Variants in SLC45A4 observed in about 807,000 individuals in gnomAD.
SLC45A4 encodes the protein polyamine-transporter SLC45A4.
Under a neutral mutation model 63.7 loss-of-function variants are expected in SLC45A4, and 32 were observed. That is an observed-to-expected ratio of 0.50 (90% confidence interval 0.38 to 0.67). The LOEUF is 0.67. Among genes scored for constraint, SLC45A4 ranks in the 30% least tolerant of loss-of-function variants. SLC45A4 has a pLI of 0.00. For missense variants in SLC45A4, 1,027 were observed against 1,157.7 expected, an observed-to-expected ratio of 0.89 and a Z score of 1.64; for synonymous variants, 535 against 510.0, an observed-to-expected ratio of 1.05 and a Z score of -0.66.
At chr8:141,282,312 C>T (rs1022078423) in intron 1 of SLC45A4, among the ~76,000 whole-genome samples, 7 of 152,210 alleles carry the variant, frequency 4.6e-5, no homozygotes, top group East Asian at 1.9e-4. Flanking sequence ...CCCAGGTGGC[C>T]CCACGATGGA....
At chr8:141,216,171 G>A (rs1164335334) in intron 6 of SLC45A4, among the ~76,000 whole-genome samples, 4 of 152,118 alleles carry the variant, frequency 2.6e-5, no homozygotes, top group Non-Finnish European at 5.9e-5. Context: ...GATGCCCAGT[G>A]GCTCCAGCAC....
chr8:141,221,306 G>A (rs1003063283), intron 3 of SLC45A4, among the ~76,000 whole-genome samples: 1 of 152,266 alleles, frequency 6.6e-6, no homozygotes, highest in Non-Finnish European at 1.5e-5. Flanking sequence ...AAAGAATGCT[G>A]GAAACAGGAC....
At chr8:141,244,957 T>TGGGGGGGGGGGGGG (rs1243475649) in intron 2 of SLC45A4, among the ~76,000 whole-genome samples, 2 of 8,412 alleles carry the variant, frequency 2.4e-4, no homozygotes, top group African/African-American at 4.6e-4. Context: ...AAGACGTGGG[T>TGGGGGGGGGGGGGG]GGGGGGGGGG....
chr8:141,241,434 C>G (rs151042999), intron 2 of SLC45A4, among the ~76,000 whole-genome samples: 1 of 152,302 alleles, frequency 6.6e-6, no homozygotes, highest in East Asian at 1.9e-4. Flanking sequence ...GGCTGCGGGA[C>G]AGGAGTGGAC....
At position 141,263,749 on chromosome 8, in the gene SLC45A4, G is replaced by A. The variant is rs1329279417; in HGVS notation, c.-400-9120C>T. Among the ~76,000 whole-genome samples the A allele has an allele frequency of 4.2e-4, 56 of 134,842 alleles. 1 individual carries two copies. Among genetic ancestry groups the A allele is most frequent in the Middle Eastern group, 4.5e-3 (1 of 220 alleles). The allele number at this position is 134,842 out of a possible 152,430, so 88.5% of individuals were successfully genotyped here. A position where few individuals can be genotyped will look rare whatever the true frequency, so the allele number is the denominator to read the frequency against. ...TGCGCCACTGTACTCCAGCCTGGGC[G>A]ACAGAGCAAGACTCCGTCTCAAAAA... On this transcript the variant is annotated intron_variant, in intron 1 of 8. Transcript: ENST00000517878.
At chr8:141,213,551 C>T (rs1825961712) in intron 7 of SLC45A4, among the ~76,000 whole-genome samples, 1 of 152,240 alleles carries the variant, frequency 6.6e-6, no homozygotes, top group African/African-American at 2.4e-5. Context: ...AACATTAAAA[C>T]CTGCATGGTG....
rs1209287661 is a variant in SLC45A4 at position 141,254,684 on chromosome 8, C to A, written c.-400-55G>T. The A allele has an allele frequency of 1.4e-6, 1 of 695,650 alleles. No homozygotes were observed. The highest frequency in any genetic ancestry group is 1.5e-5 in the South Asian group (1 of 66,696). 43.1% of individuals were successfully genotyped at this position (695,650 alleles called of 1,614,324 possible). ...GAGTCAGGGGACGGCCACCAGATGG[C>A]CCTGTGGACCGCCGCCCGACCCCCG... On this transcript the variant is annotated intron_variant, in intron 1 of 8. Transcript: ENST00000517878. The surrounding 1 kb of genome is among the most constrained non-coding windows in gnomAD (Gnocchi z 4.5).
Position 141,256,290 on chromosome 8 carries a change from A to C in SLC45A4, c.-400-1661T>G, listed in dbSNP as rs1265823141. 3 of 297,318 alleles carry C rather than the reference A, an allele frequency of 1.0e-5. No individual in the cohort carries two copies. The highest frequency in any genetic ancestry group is 2.0e-5 in the Non-Finnish European group (3 of 146,788). The allele number at this position is 297,318 out of a possible 1,614,324, so 18.4% of individuals were successfully genotyped here. A position where few individuals can be genotyped will look rare whatever the true frequency, so the allele number is the denominator to read the frequency against. On this transcript the variant is annotated intron_variant, in intron 1 of 8. Transcript: ENST00000517878. The surrounding 1 kb of genome is among the most constrained non-coding windows in gnomAD (Gnocchi z 4.3). The stretch of plus-strand genomic sequence containing the variant: ...TGTTAGAGCCCCTAAAAACACACCT[A>C]AATGGTGTTCACAGTTTATATTAAG...
chr8:141,254,173 G>A lies in SLC45A4; in HGVS notation c.57C>T (p.Ser19=), dbSNP rs1309110031. 5.9e-6 allele frequency: 9 copies of A among 1,536,104 alleles called. No homozygotes were observed. The highest frequency in any genetic ancestry group is 2.0e-5 in the Admixed American group (1 of 51,010). ...DPESMQVQEL[S]VPLPDPQKAG... The stretch of plus-strand genomic sequence containing the variant: ...CTTTCTGCGGGTCCGGCAGGGGCAC[G>A]GATAACTCTTGAACTTGCATAGATT... The change falls in exon 2 of 9, where the codon TCC becomes TCT. Residue 19 remains serine (S), a synonymous_variant. Coordinates refer to ENST00000517878, the MANE Select transcript of SLC45A4 (RefSeq NM_001286646.2). This position sits in a 1 kb window ranked among gnomAD's most constrained non-coding sequence, Gnocchi z 4.5.
At chr8:141,244,953 T>TTG (rs1828096745) in intron 2 of SLC45A4, among the ~76,000 whole-genome samples, 1 of 27,762 alleles carries the variant, frequency 3.6e-5, no homozygotes, top group African/African-American at 3.2e-4. Context: ...CAAGAAGACG[T>TTG]GGGTGGGGGG....
At chr8:141,264,360 G>A (rs753697187) in intron 1 of SLC45A4, among the ~76,000 whole-genome samples, 16 of 152,236 alleles carry the variant, frequency 1.1e-4, no homozygotes, top group African/African-American at 2.2e-4. Context: ...ACTTGTCTCC[G>A]TTTCTCAAGG....
chr8:141,262,036 AG>A (rs1829058825), intron 1 of SLC45A4, among the ~76,000 whole-genome samples: 1 of 151,828 alleles, frequency 6.6e-6, no homozygotes, highest in Non-Finnish European at 1.5e-5. Context: ...TCAATGGAAC[AG>A]AACAGAGCCC....
chr8:141,248,488 G>C (rs1828318571), intron 2 of SLC45A4, among the ~76,000 whole-genome samples: 1 of 152,064 alleles, frequency 6.6e-6, no homozygotes, highest in Non-Finnish European at 1.5e-5. Flanking sequence ...AGGATCACTT[G>C]AGCCCAGGAA....
intron 2 of SLC45A4, among the ~76,000 whole-genome samples, chr8:141,243,976 T>TAGTC (rs760984213): frequency 1.3e-5 from 2 of 152,226 alleles, no homozygotes; most frequent in Non-Finnish European, 2.9e-5. Context: ...AAGCTGTTGG[T>TAGTC]AGTCAGGTTT....
At chr8:141,266,181 G>GACAACACGCGTCCGC (rs1829256617) in intron 1 of SLC45A4, among the ~76,000 whole-genome samples, 1 of 152,194 alleles carries the variant, frequency 6.6e-6, no homozygotes, top group African/African-American at 2.4e-5. Context: ...AGCGAGTCCG[G>GACAACACGCGTCCGC]ACAACACGCG....
intron 1 of SLC45A4, among the ~76,000 whole-genome samples, chr8:141,305,782 C>A (rs183082119): frequency 3.3e-5 from 5 of 151,660 alleles, no homozygotes; most frequent in African/African-American, 1.2e-4. Context: ...CTGCGCTGCA[C>A]TCCTCTGTCC....
In SLC45A4 at chr8:141,290,741, C is replaced by T. The variant is rs76654183; in HGVS notation, c.-401+17355G>A. Among the ~76,000 whole-genome samples, 27 of 152,386 alleles carry T rather than the reference C, an allele frequency of 1.8e-4. No homozygotes were observed. In the East Asian group the frequency reaches 4.6e-3, roughly 26 times the overall value. ...TCCTTGGGTCCAGAGACAGACCAGG[C>T]AGCCCACGCTGCGTGTGGTCTTACC... On this transcript the variant is annotated intron_variant, in intron 1 of 8. Coordinates refer to ENST00000517878, the MANE Select transcript of SLC45A4 (RefSeq NM_001286646.2).
chr8:141,211,369 G>A lies in SLC45A4; in HGVS notation c.*203C>T. ...CACACGCGCACGCAGGAGCTCGTCT[G>A]GAGCTCACGCTCCGCCCCCAGGTGG... On this transcript the variant is annotated 3_prime_UTR_variant, in exon 9 of 9. Coordinates refer to ENST00000517878, the MANE Select transcript of SLC45A4 (RefSeq NM_001286646.2). 6.8e-7 allele frequency: 1 copy of A among 1,470,348 alleles called. No homozygotes were observed. The highest frequency in any genetic ancestry group is 1.4e-5 in the African/African-American group (1 of 70,588). 91.1% of individuals were successfully genotyped at this position (1,470,348 alleles called of 1,614,324 possible). A position where few individuals can be genotyped will look rare whatever the true frequency, so the allele number is the denominator to read the frequency against.
At chr8:141,220,288 G>T (rs200402180) in intron 3 of SLC45A4, among the ~76,000 whole-genome samples, 2 of 152,280 alleles carry the variant, frequency 1.3e-5, no homozygotes, top group East Asian at 3.9e-4. Context: ...GGCGCAGGGG[G>T]TCTCGCTGGG....
Sources: gnomAD v4.1 joint callset for allele counts (sites outside exome capture counted in the v4.1 genomes callset) on GRCh38, gnomAD v4.1.1 for gene constraint, Gnocchi (gnomAD v3.1) non-coding constraint, MANE v1.5 for transcripts, NCBI Gene and HGNC (gene_info 2026-07-23, HGNC 2026-07-21) for gene names.